Variants in CSPP1 observed in about 807,000 individuals in gnomAD.
CSPP1 encodes the protein centrosome and spindle pole associated protein 1, also known as centrosome and spindle pole-associated protein 1.
Under a neutral mutation model 164.4 loss-of-function variants are expected in CSPP1, and 126 were observed. That is an observed-to-expected ratio of 0.77 (90% CI 0.66 to 0.89). CSPP1 has a LOEUF of 0.89. Ranked by LOEUF, CSPP1 falls within the 40% of genes least tolerant of loss-of-function variation. CSPP1 has a pLI of 0.00. For synonymous variants in CSPP1, 472 were observed against 476.7 expected (o/e 0.99, Z 0.13); for missense variants, 1,395 against 1,449.8 (o/e 0.96, Z 0.61).
chr8:67,129,114 TAGAC>T (rs1209077699), intron 15 of CSPP1, among the ~76,000 whole-genome samples: 2 of 152,054 alleles, frequency 1.3e-5, no homozygotes, highest in Non-Finnish European at 2.9e-5. Context: ...GATATCCCAA[TAGAC>T]AAAGGAAAAG....
At chr8:67,184,875 G>A (rs1299626014) in intron 28 of CSPP1, among the ~76,000 whole-genome samples, 4 of 148,320 alleles carry the variant, frequency 2.7e-5, no homozygotes, top group African/African-American at 7.4e-5. Flanking sequence ...CGAGGAGGGC[G>A]GATCACAAGG....
intron 9 of CSPP1, among the ~76,000 whole-genome samples, chr8:67,107,593 C>A (rs1815846912): frequency 6.6e-6 from 1 of 152,152 alleles, no homozygotes; most frequent in Non-Finnish European, 1.5e-5. Flanking sequence ...CTTTTCCCCC[C>A]AAAACTATGT....
intron 17 of CSPP1, among the ~76,000 whole-genome samples, chr8:67,141,796 T>C (rs80308248): frequency 0.051 from 7,750 of 152,330 alleles, 262 homozygotes; most frequent in Non-Finnish European, 0.073. Flanking sequence ...ATTACAGACA[T>C]GAGCGACTGC....
rs571779128 is a variant in CSPP1, at chr8:67,106,565, G to A, written c.1093+590G>A. On this transcript the variant is annotated intron_variant, in intron 9 of 30. Coordinates refer to ENST00000678616, the MANE Select transcript of CSPP1 (RefSeq NM_001382391.1). ...TCTGAGAAGGTGTTTTGTTCAAATC[G>A]TGATGATGGTCTAAATTTTCTATTT... Among the ~76,000 whole-genome samples the A allele has an allele frequency of 2.7e-4, 41 of 152,036 alleles. No homozygotes were observed. The South Asian group carries it at 3.7e-3, about 14-fold the overall frequency.
chr8:67,072,964 A>G (rs1436565208), intron 1 of CSPP1, among the ~76,000 whole-genome samples: 1 of 152,064 alleles, frequency 6.6e-6, no homozygotes, highest in Non-Finnish European at 1.5e-5. Flanking sequence ...TATGTATGGT[A>G]AAAAAATAGA....
At chr8:67,136,272 A>T (rs1405563896) in intron 16 of CSPP1, among the ~76,000 whole-genome samples, 1 of 152,120 alleles carries the variant, frequency 6.6e-6, no homozygotes, top group Non-Finnish European at 1.5e-5. Context: ...TTCGATTTGT[A>T]AAAAATGCAA....
At chr8:67,190,817 T>G (rs1387980284) in intron 29 of CSPP1, 58 bp downstream of exon 29, 2 of 1,225,486 alleles carry the variant, frequency 1.6e-6, no homozygotes, top group Non-Finnish European at 2.4e-6. Flanking sequence ...GTCTGGGTTC[T>G]GACCTGTGCT....
At chr8:67,164,986 T>C (rs1829030340) in intron 24 of CSPP1, among the ~76,000 whole-genome samples, 1 of 152,188 alleles carries the variant, frequency 6.6e-6, no homozygotes, top group Non-Finnish European at 1.5e-5. Context: ...GTAATTTTGA[T>C]TATAAAAAAG....
chr8:67,186,242 G>A (rs549960203), intron 28 of CSPP1, among the ~76,000 whole-genome samples: 1 of 152,182 alleles, frequency 6.6e-6, no homozygotes, highest in East Asian at 1.9e-4. Context: ...AGGTTCCATT[G>A]CCAAGAATGT....
chr8:67,088,626 A>ATGG (rs1810926306), intron 4 of CSPP1, among the ~76,000 whole-genome samples: 2 of 758 alleles, frequency 2.6e-3, no homozygotes, highest in African/African-American at 0.014. Context: ...GGCCGGGGGC[A>ATGG]CGGCTGACGC....
At chr8:67,093,500 C>A in intron 5 of CSPP1, 43 bp from the exon 6 acceptor site, 2 of 1,279,974 alleles carry the variant, frequency 1.6e-6, no homozygotes, top group South Asian at 1.3e-5. Context: ...TTTTTTTTTC[C>A]TGAAGTTGAA....
intron 16 of CSPP1, among the ~76,000 whole-genome samples, chr8:67,136,650 T>C (rs1415963466): frequency 6.6e-6 from 1 of 150,750 alleles, no homozygotes; most frequent in Non-Finnish European, 1.5e-5. Flanking sequence ...GGTATGCCTG[T>C]ATTTAAAGTT....
intron 4 of CSPP1, among the ~76,000 whole-genome samples, chr8:67,091,198 GTTACA>G (rs1400037174): frequency 2.0e-5 from 3 of 152,194 alleles, no homozygotes; most frequent in South Asian, 4.1e-4. Context: ...CTTCCCCATT[GTTACA>G]CAACTGATAA....
intron 30 of CSPP1, among the ~76,000 whole-genome samples, chr8:67,194,879 G>A (rs1837490833): frequency 1.3e-5 from 2 of 152,100 alleles, no homozygotes; most frequent in Admixed American, 1.3e-4. Context: ...TTTAAGAATG[G>A]AAGTAATCTC....
At chr8:67,145,149 A>G (rs1433976933) in intron 17 of CSPP1, among the ~76,000 whole-genome samples, 1 of 151,830 alleles carries the variant, frequency 6.6e-6, no homozygotes, top group Non-Finnish European at 1.5e-5. Context: ...ACTTTATTTA[A>G]TAGATAAAGA....
At chr8:67,088,935 C>G (rs1292748001) in intron 4 of CSPP1, among the ~76,000 whole-genome samples, 1 of 151,158 alleles carries the variant, frequency 6.6e-6, no homozygotes, top group Non-Finnish European at 1.5e-5. Flanking sequence ...TAGAGGAGCA[C>G]TATTTCCTTA....
At chr8:67,112,234 GTTTT>G (rs375921547) in intron 10 of CSPP1, among the ~76,000 whole-genome samples, 169 bp downstream of exon 10, 2 of 123,084 alleles carry the variant, frequency 1.6e-5, no homozygotes, top group East Asian at 2.5e-4. Context: ...TACTAAGAGA[GTTTT>G]TTTTTTTTTT....
At chr8:67,129,046 A>T (rs1287986835) in intron 15 of CSPP1, among the ~76,000 whole-genome samples, 1 of 152,216 alleles carries the variant, frequency 6.6e-6, no homozygotes, top group African/African-American at 2.4e-5. Flanking sequence ...AATCAATATG[A>T]TTATAAAATA....
At chr8:67,098,067 C>G (rs1012786982) in intron 7 of CSPP1, among the ~76,000 whole-genome samples, 12 of 148,090 alleles carry the variant, frequency 8.1e-5, no homozygotes, top group Non-Finnish European at 1.3e-4. Context: ...AAAAAAAAGA[C>G]CAGTCATTCA....
Sources: gnomAD v4.1 joint callset for allele counts (sites outside exome capture counted in the v4.1 genomes callset) on GRCh38, gnomAD v4.1.1 for gene constraint, MANE v1.5 for transcripts, NCBI Gene and HGNC (gene_info 2026-07-23, HGNC 2026-07-21) for gene names.